The following FGF14 variants were observed in gnomAD, a reference collection of about 807,000 sequenced individuals.
FGF14 encodes the protein fibroblast growth factor homologous factor 4.
FGF14 carries 5 observed loss-of-function variants against 25.5 expected under a neutral mutation model. That is an observed-to-expected ratio of 0.20 (90% CI 0.10 to 0.41). The LOEUF is 0.41. FGF14 is among the 10% of genes least tolerant of loss of function. FGF14 has a pLI of 1.00. For synonymous variants in FGF14, 138 were observed against 118.3 expected (o/e 1.17, Z -1.08); for missense variants, 222 against 320.1 (o/e 0.69, Z 2.34).
At chr13:101,723,181 A>AAAT in intron 4 of FGF14, 1 of 598,732 alleles carries the variant, frequency 1.7e-6, no homozygotes, top group Non-Finnish European at 3.0e-6. Context: ...TGTATACCTA[A>AAAT]AATATGTATA....
At chr13:102,295,131 C>G (rs961883352) in intron 1 of FGF14, among the ~76,000 whole-genome samples, 6 of 152,118 alleles carry the variant, frequency 3.9e-5, no homozygotes, top group African/African-American at 1.4e-4. Flanking sequence ...ATCATGTTGT[C>G]CAACTTCTAC....
Position 101,711,407 on chromosome 13 carries a change from AAG to A in FGF14, c.*11422_*11423del, listed in dbSNP as rs1468747530. On this transcript the variant is annotated 3_prime_UTR_variant, in exon 5 of 5. Transcript: ENST00000376143. ...CACAACCTGTCCCACATCCCCAGAA[AAG>A]AGAAAGAGTGAAAGATGCTTCACAA... 6.6e-6 allele frequency: 1 copy of A among 152,364 alleles called. No individual in the cohort carries two copies. Among genetic ancestry groups the A allele is most frequent in the African/African-American group, 2.4e-5 (1 of 41,454 alleles). 9.4% of individuals were successfully genotyped at this position (152,364 alleles called of 1,614,324 possible).
At chr13:102,086,400 G>A (rs570344626) in intron 1 of FGF14, among the ~76,000 whole-genome samples, 3 of 151,984 alleles carry the variant, frequency 2.0e-5, no homozygotes, top group Non-Finnish European at 2.9e-5. Context: ...CGTGGTGGCG[G>A]GCGCATGTAG....
intron 1 of FGF14, among the ~76,000 whole-genome samples, chr13:102,296,152 A>T (rs909926462): frequency 1.3e-5 from 2 of 152,146 alleles, no homozygotes; most frequent in Non-Finnish European, 2.9e-5. Flanking sequence ...AGGTAAAATG[A>T]AGTTGGTGTG....
At chr13:101,967,203 C>A (rs1314377476) in intron 1 of FGF14, among the ~76,000 whole-genome samples, 2 of 152,164 alleles carry the variant, frequency 1.3e-5, no homozygotes, top group Admixed American at 6.5e-5. Context: ...CATCCCAAAC[C>A]TACCGAATCA....
chr13:102,359,291 T>G (rs2057502206), intron 1 of FGF14, among the ~76,000 whole-genome samples: 1 of 152,212 alleles, frequency 6.6e-6, no homozygotes, highest in Non-Finnish European at 1.5e-5. Flanking sequence ...GCAATAAAGC[T>G]GCACATCCTG....
intron 1 of FGF14, among the ~76,000 whole-genome samples, chr13:102,048,707 A>T (rs2042096725): frequency 1.3e-5 from 2 of 152,208 alleles, no homozygotes. Context: ...ACTCACTGGG[A>T]AGACATTCCC....
chr13:102,079,167 C>G (rs1419217174), intron 1 of FGF14, among the ~76,000 whole-genome samples: 1 of 152,134 alleles, frequency 6.6e-6, no homozygotes, highest in Admixed American at 6.5e-5. Flanking sequence ...CAGTCTCTTC[C>G]CCAGAGACAC....
At chr13:101,876,997 G>GA (rs562308528) in intron 1 of FGF14, among the ~76,000 whole-genome samples, 4 of 151,796 alleles carry the variant, frequency 2.6e-5, no homozygotes, top group African/African-American at 9.7e-5. Flanking sequence ...CTCTTGTCAA[G>GA]AAAAAAAATG....
intron 1 of FGF14, among the ~76,000 whole-genome samples, chr13:102,344,215 C>A (rs2057036458): frequency 1.3e-5 from 2 of 152,150 alleles, no homozygotes; most frequent in Admixed American, 1.3e-4. Context: ...TTAATCAAAT[C>A]ACTTAGATGT....
chr13:102,299,831 A>AT (rs1205651858), intron 1 of FGF14: 6 of 152,178 alleles, frequency 3.9e-5, no homozygotes, highest in African/African-American at 1.4e-4. Flanking sequence ...GGAAGGTTAG[A>AT]TTTTTGAGAA....
At chr13:101,816,777 A>G (rs1177833424) in intron 3 of FGF14, among the ~76,000 whole-genome samples, 1 of 152,158 alleles carries the variant, frequency 6.6e-6, no homozygotes, top group Admixed American at 6.5e-5. Context: ...TATTCATAAT[A>G]TTTATTTTTA....
At chr13:101,877,761 C>G (rs1210294500) in intron 1 of FGF14, among the ~76,000 whole-genome samples, 1 of 152,122 alleles carries the variant, frequency 6.6e-6, no homozygotes, top group Non-Finnish European at 1.5e-5. Context: ...TAGAAAGGAT[C>G]AAAGATCTTG....
chr13:102,161,592 G>GA lies in FGF14; in HGVS notation c.208+239878dup, dbSNP rs1365234776. Among the ~76,000 whole-genome samples, 17 of 2,258 alleles carry GA rather than the reference G, an allele frequency of 7.5e-3. 2 individuals carry two copies. Among genetic ancestry groups the GA allele is most frequent in the African/African-American group, 6.1e-3 (1 of 164 alleles). The allele number at this position is 2,258 out of a possible 152,430, so 1.5% of individuals were successfully genotyped here. On this transcript the variant is annotated intron_variant, in intron 1 of 4. Transcript: ENST00000376131. ...AAGAAAGAAAGAAGAAGAAGAAGAA[G>GA]AAGAAGAAGAAGAAGAAGAAGAAGA...
At chr13:102,298,843 A>C (rs1395343313) in intron 1 of FGF14, among the ~76,000 whole-genome samples, 1 of 152,164 alleles carries the variant, frequency 6.6e-6, no homozygotes, top group Non-Finnish European at 1.5e-5. Context: ...AGAAAACATC[A>C]TTTCTTCAAA....
At chr13:102,289,458 A>G (rs2054269467) in intron 1 of FGF14, among the ~76,000 whole-genome samples, 1 of 152,196 alleles carries the variant, frequency 6.6e-6, no homozygotes, top group Non-Finnish European at 1.5e-5. Context: ...CAAGTTGGAC[A>G]TTATAACATG....
intron 1 of FGF14, among the ~76,000 whole-genome samples, chr13:102,233,015 C>T (rs2051151549): frequency 6.6e-6 from 1 of 152,162 alleles, no homozygotes; most frequent in African/African-American, 2.4e-5. Flanking sequence ...CCTTCTTCCC[C>T]TGAGGTCTTG....
At chr13:102,069,183 TG>T (rs1174048175) in intron 1 of FGF14, among the ~76,000 whole-genome samples, 1 of 151,154 alleles carries the variant, frequency 6.6e-6, no homozygotes, top group Non-Finnish European at 1.5e-5. Context: ...TCAAGGTTTG[TG>T]AGTGCGCCAA....
chr13:102,391,659 A>G (rs1365792007), intron 1 of FGF14, among the ~76,000 whole-genome samples: 1 of 152,224 alleles, frequency 6.6e-6, no homozygotes, highest in Non-Finnish European at 1.5e-5. Flanking sequence ...AGGTACAAGA[A>G]AAAATAATCA....
Sources: allele counts gnomAD v4.1 joint callset (sites outside exome capture counted in the v4.1 genomes callset), GRCh38; gene constraint gnomAD v4.1.1; transcripts MANE v1.5; gene names NCBI Gene and HGNC (gene_info 2026-07-23, HGNC 2026-07-21).